Variants in CTNNA2 observed in about 807,000 individuals in gnomAD.
The protein encoded by CTNNA2 is catenin alpha-2.
In CTNNA2, 42 loss-of-function variants were observed where a neutral mutation model predicts 101.0. That is an observed-to-expected ratio of 0.42 (90% confidence interval 0.32 to 0.54). CTNNA2 has a LOEUF of 0.54. Ranked by LOEUF, CTNNA2 falls within the 20% of genes least tolerant of loss-of-function variation. The pLI is 0.14. For missense variants in CTNNA2, 871 were observed against 1,223.1 expected (o/e 0.71, Z 4.29); for synonymous variants, 450 against 456.4 (o/e 0.99, Z 0.18).
chr2:79,252,159 T>C (rs1301224452), intron 2 of CTNNA2, among the ~76,000 whole-genome samples: 1 of 152,134 alleles, frequency 6.6e-6, no homozygotes, highest in African/African-American at 2.4e-5. Flanking sequence ...ATTCAGCTTA[T>C]CAGCTCTGCA....
At chr2:80,548,719 G>A (rs1218734419) in intron 11 of CTNNA2, among the ~76,000 whole-genome samples, 2 of 152,130 alleles carry the variant, frequency 1.3e-5, no homozygotes, top group African/African-American at 2.4e-5. Context: ...TTCCGCAGAC[G>A]GGGTTTGACA....
At chr2:80,558,806 T>A (rs890071910) in intron 12 of CTNNA2, among the ~76,000 whole-genome samples, 1 of 152,162 alleles carries the variant, frequency 6.6e-6, no homozygotes, top group Non-Finnish European at 1.5e-5. Flanking sequence ...TTTGTTGTTG[T>A]TGTTGTTGCC....
intron 8 of CTNNA2, among the ~76,000 whole-genome samples, chr2:80,415,066 G>A (rs1679921465): frequency 6.6e-6 from 1 of 152,142 alleles, no homozygotes; most frequent in African/African-American, 2.4e-5. Context: ...GTTAAATTAG[G>A]GCAGGCCAAC....
chr2:79,826,884 G>C (rs973768100), intron 3 of CTNNA2, among the ~76,000 whole-genome samples: 1 of 152,112 alleles, frequency 6.6e-6, no homozygotes, highest in Non-Finnish European at 1.5e-5. Flanking sequence ...GATCACATCC[G>C]GACTCAGGAA....
intron 2 of CTNNA2, among the ~76,000 whole-genome samples, chr2:79,683,993 A>G (rs1478474625): frequency 6.6e-6 from 1 of 152,108 alleles, no homozygotes. Context: ...CCTATTGCTA[A>G]TCTTTCCTAC....
chr2:79,288,115 G>A (rs1018093521), intron 2 of CTNNA2, among the ~76,000 whole-genome samples: 1 of 152,174 alleles, frequency 6.6e-6, no homozygotes, highest in Non-Finnish European at 1.5e-5. Context: ...CTCGCGCATG[G>A]TGCGCGCACC....
intron 7 of CTNNA2, among the ~76,000 whole-genome samples, chr2:80,340,963 G>A (rs1044600684): frequency 1.3e-5 from 2 of 152,088 alleles, no homozygotes; most frequent in African/African-American, 4.8e-5. Context: ...AGTCAGGAAG[G>A]CATTTAACTT....
intron 7 of CTNNA2, among the ~76,000 whole-genome samples, chr2:79,976,781 G>A (rs2104591468): frequency 6.6e-6 from 1 of 152,306 alleles, no homozygotes; most frequent in African/African-American, 2.4e-5. Context: ...TAGGTGTAGA[G>A]TGTTTGGCCA....
At chr2:79,868,532 C>T (rs367809757) in intron 4 of CTNNA2, among the ~76,000 whole-genome samples, 4 of 152,350 alleles carry the variant, frequency 2.6e-5, no homozygotes, top group Non-Finnish European at 5.9e-5. Context: ...TTTGTGATTG[C>T]GTCAAGCCTC....
intron 2 of CTNNA2, among the ~76,000 whole-genome samples, chr2:79,302,045 G>A (rs1463417489): frequency 6.6e-6 from 1 of 151,958 alleles, no homozygotes; most frequent in African/African-American, 2.4e-5. Context: ...GTGAGCCGAG[G>A]CTGCACAACT....
At chr2:80,567,029 C>A (rs1183616675) in intron 12 of CTNNA2, among the ~76,000 whole-genome samples, 4 of 152,106 alleles carry the variant, frequency 2.6e-5, no homozygotes, top group Non-Finnish European at 5.9e-5. Flanking sequence ...CATCCTCGTA[C>A]CTCCTAGGGA....
At chr2:80,202,470 A>G (rs1707268453) in intron 7 of CTNNA2, among the ~76,000 whole-genome samples, 1 of 152,212 alleles carries the variant, frequency 6.6e-6, no homozygotes, top group Non-Finnish European at 1.5e-5. Flanking sequence ...GTCATTTGGA[A>G]TGATTGACCA....
chr2:80,174,340 C>T (rs1193061498), intron 7 of CTNNA2, among the ~76,000 whole-genome samples: 1 of 152,118 alleles, frequency 6.6e-6, no homozygotes, highest in Non-Finnish European at 1.5e-5. Context: ...TGATGGTGCT[C>T]ACCTATGTAT....
intron 3 of CTNNA2, among the ~76,000 whole-genome samples, chr2:79,366,879 T>TG (rs1037378368): frequency 4.6e-4 from 70 of 151,962 alleles, no homozygotes; most frequent in Non-Finnish European, 3.1e-4. Context: ...GTTGGGTGAG[T>TG]GGAAAGTGCT....
chr2:80,416,374 A>G (rs1463563388), intron 8 of CTNNA2, among the ~76,000 whole-genome samples: 2 of 152,182 alleles, frequency 1.3e-5, no homozygotes, highest in Non-Finnish European at 2.9e-5. Context: ...ATACCTCAAG[A>G]AAGCTGAATC....
intron 8 of CTNNA2, among the ~76,000 whole-genome samples, chr2:80,398,684 G>A (rs1162160509): frequency 7.1e-6 from 1 of 140,450 alleles, no homozygotes; most frequent in Non-Finnish European, 1.5e-5. Flanking sequence ...GTGAAACTCC[G>A]TCTCTGCTAA....
At chr2:79,703,470 G>A (rs1194362846) in intron 2 of CTNNA2, among the ~76,000 whole-genome samples, 1 of 152,076 alleles carries the variant, frequency 6.6e-6, no homozygotes, top group Non-Finnish European at 1.5e-5. Flanking sequence ...GTACTTATTT[G>A]CTCTGGGTCT....
At chr2:79,857,775 A>C (rs1282634879) in intron 3 of CTNNA2, among the ~76,000 whole-genome samples, 1 of 152,238 alleles carries the variant, frequency 6.6e-6, no homozygotes, top group Non-Finnish European at 1.5e-5. Context: ...TATTGATGTG[A>C]AAAGCATGAC....
chr2:79,252,291 G>GTT (rs1674783229), intron 2 of CTNNA2, among the ~76,000 whole-genome samples: 1 of 91,724 alleles, frequency 1.1e-5, no homozygotes, highest in Non-Finnish European at 2.4e-5. Context: ...GTTTGGAAGA[G>GTT]ATTTTTTTTT....
Sources: allele counts gnomAD v4.1 joint callset (sites outside exome capture counted in the v4.1 genomes callset), GRCh38; gene constraint gnomAD v4.1.1; transcripts MANE v1.5; gene names NCBI Gene and HGNC (gene_info 2026-07-23, HGNC 2026-07-21).